The following CSMD1 variants were observed in gnomAD, a reference collection of about 807,000 sequenced individuals.
CSMD1 encodes CUB and sushi domain-containing protein 1.
CSMD1 carries 213 observed loss-of-function variants against 417.5 expected under a neutral mutation model. That is an observed-to-expected ratio of 0.51 (90% CI 0.46 to 0.57). The LOEUF is 0.57. Among genes scored for constraint, CSMD1 ranks in the 20% least tolerant of loss-of-function variants. The pLI, the probability that CSMD1 is intolerant of heterozygous loss-of-function variation, is 0.00. For missense variants in CSMD1, 6,923 were observed against 4,529.7 expected (o/e 1.53, Z -15.17); for synonymous variants, 2,862 against 1,736.8 (o/e 1.65, Z -16.11).
At chr8:3,313,259 A>G (rs1805492920) in intron 23 of CSMD1, among the ~76,000 whole-genome samples, 1 of 152,218 alleles carries the variant, frequency 6.6e-6, no homozygotes. Context: ...AAAACCCAAA[A>G]TTGACAAATG....
At chr8:4,001,787 G>C (rs770578564) in intron 4 of CSMD1, among the ~76,000 whole-genome samples, 98 of 152,260 alleles carry the variant, frequency 6.4e-4, no homozygotes, top group Admixed American at 1.0e-3. Flanking sequence ...CAACAGACAA[G>C]TGGTGAAATT....
chr8:3,357,689 G>T (rs1222840834), intron 21 of CSMD1, among the ~76,000 whole-genome samples: 1 of 152,118 alleles, frequency 6.6e-6, no homozygotes, highest in Non-Finnish European at 1.5e-5. Context: ...GTTTTGTCCA[G>T]ATTTCAAACT....
intron 3 of CSMD1, among the ~76,000 whole-genome samples, chr8:4,375,728 C>G (rs1802691994): frequency 6.6e-6 from 1 of 152,180 alleles, no homozygotes; most frequent in Non-Finnish European, 1.5e-5. Context: ...TTCCTCCTCA[C>G]TTCCCGACTG....
intron 3 of CSMD1, among the ~76,000 whole-genome samples, chr8:4,338,940 G>C (rs73506654): frequency 6.6e-6 from 1 of 152,060 alleles, no homozygotes. Flanking sequence ...AAGGGTAAGC[G>C]TATCTGAACA....
At chr8:3,836,887 T>C (rs987122872) in intron 5 of CSMD1, among the ~76,000 whole-genome samples, 1 of 152,170 alleles carries the variant, frequency 6.6e-6, no homozygotes, top group Admixed American at 6.6e-5. Context: ...AAAGCAGTTC[T>C]TTAACATTTT....
At chr8:3,042,981 C>A (rs938583745) in intron 50 of CSMD1, among the ~76,000 whole-genome samples, 1 of 149,906 alleles carries the variant, frequency 6.7e-6, no homozygotes, top group East Asian at 2.0e-4. Flanking sequence ...TTATATAGTA[C>A]CATAGGTCAC....
intron 2 of CSMD1, among the ~76,000 whole-genome samples, chr8:4,533,406 A>T (rs187490764): frequency 1.3e-5 from 2 of 152,202 alleles, no homozygotes; most frequent in African/African-American, 4.8e-5. Flanking sequence ...ACCAGGATGG[A>T]CGGACAAAAA....
intron 5 of CSMD1, among the ~76,000 whole-genome samples, chr8:3,901,003 C>G (rs375850836): frequency 6.6e-6 from 1 of 152,158 alleles, no homozygotes; most frequent in Non-Finnish European, 1.5e-5. Flanking sequence ...TGCTAGCTGT[C>G]ATAGTGTTAT....
At chr8:4,904,437 C>G (rs892692188) in intron 1 of CSMD1, among the ~76,000 whole-genome samples, 6 of 152,136 alleles carry the variant, frequency 3.9e-5, no homozygotes, top group African/African-American at 1.2e-4. Context: ...ATAAAACTAG[C>G]TATTTGAAGA....
chr8:3,760,987 G>A (rs962346702), intron 5 of CSMD1, among the ~76,000 whole-genome samples: 1 of 151,716 alleles, frequency 6.6e-6, no homozygotes. Flanking sequence ...TTCTGGACAT[G>A]CAATCCAAAT....
At chr8:4,031,469 G>C (rs1332577154) in intron 4 of CSMD1, among the ~76,000 whole-genome samples, 1 of 152,186 alleles carries the variant, frequency 6.6e-6, no homozygotes, top group East Asian at 1.9e-4. Flanking sequence ...GAACGGCACA[G>C]GAAACACTTA....
In CSMD1 at chr8:4,067,548, T is replaced by C. The variant is rs1211139399; in HGVS notation, c.416-35449A>G. 2.6e-5 allele frequency among the ~76,000 whole-genome samples: 4 copies of C among 152,286 alleles called. No homozygotes were observed. The East Asian group carries it at 5.8e-4, about 22-fold the overall frequency. ...TAATTTTGTTGTATAGCTTTACATG[T>C]ACCTAAAGCCAGAATAAGTTTCAAC... On this transcript the variant is annotated intron_variant, in intron 3 of 69. Transcript: ENST00000635120.
intron 3 of CSMD1, among the ~76,000 whole-genome samples, chr8:4,197,210 G>C (rs921456539): frequency 6.6e-6 from 1 of 152,156 alleles, no homozygotes; most frequent in Non-Finnish European, 1.5e-5. Context: ...TCCAGTAAGA[G>C]CATCATGAAT....
chr8:4,011,048 G>A (rs1466566587), intron 4 of CSMD1, among the ~76,000 whole-genome samples: 1 of 152,138 alleles, frequency 6.6e-6, no homozygotes, highest in Non-Finnish European at 1.5e-5. Context: ...AGCATCTCTT[G>A]CCAAATCCTC....
At chr8:3,830,487 C>A (rs1178085745) in intron 5 of CSMD1, among the ~76,000 whole-genome samples, 1 of 152,200 alleles carries the variant, frequency 6.6e-6, no homozygotes, top group Non-Finnish European at 1.5e-5. Flanking sequence ...GCATTCTGTG[C>A]AACTGAGAAT....
At chr8:3,083,254 A>C (rs1386806371) in intron 49 of CSMD1, among the ~76,000 whole-genome samples, 1 of 152,074 alleles carries the variant, frequency 6.6e-6, no homozygotes, top group Non-Finnish European at 1.5e-5. Flanking sequence ...CTGAAAATAA[A>C]ATTCTCTAAG....
chr8:3,179,108 G>T (rs896985555), intron 37 of CSMD1, among the ~76,000 whole-genome samples: 1 of 151,260 alleles, frequency 6.6e-6, no homozygotes, highest in Non-Finnish European at 1.5e-5. Context: ...ACCACGCCTG[G>T]CTAATTCTTT....
chr8:4,428,324 C>T (rs1231326734), intron 2 of CSMD1, among the ~76,000 whole-genome samples: 1 of 152,174 alleles, frequency 6.6e-6, no homozygotes, highest in Non-Finnish European at 1.5e-5. Context: ...AGTCCCAACA[C>T]CTTTCTCTAT....
chr8:4,025,513 T>C (rs1399931396), intron 4 of CSMD1, among the ~76,000 whole-genome samples: 1 of 152,232 alleles, frequency 6.6e-6, no homozygotes, highest in Non-Finnish European at 1.5e-5. Flanking sequence ...CATTTTTCAT[T>C]GAAACTATCT....
Sources: gnomAD v4.1 joint callset for allele counts (sites outside exome capture counted in the v4.1 genomes callset) on GRCh38, gnomAD v4.1.1 for gene constraint, MANE v1.5 for transcripts, NCBI Gene and HGNC (gene_info 2026-07-23, HGNC 2026-07-21) for gene names.